SLC9C1: variants seen among roughly 807,000 people sequenced by gnomAD.
SLC9C1 encodes sodium/hydrogen exchanger 10.
Under a neutral mutation model 140.9 loss-of-function variants are expected in SLC9C1, and 97 were observed. The observed-to-expected ratio is 0.69, with a 90% CI of 0.58 to 0.82. The LOEUF (loss-of-function observed/expected upper bound fraction) is 0.82. SLC9C1 is among the 40% of genes least tolerant of loss of function. The pLI is 0.00. For missense variants in SLC9C1, 1,340 were observed against 1,389.3 expected (o/e 0.96, Z 0.56); for synonymous variants, 440 against 442.6 (o/e 0.99, Z 0.07).
At chr3:112,168,318 A>G (rs1008873006) in intron 25 of SLC9C1, among the ~76,000 whole-genome samples, 1 of 136,426 alleles carries the variant, frequency 7.3e-6, no homozygotes, top group African/African-American at 2.9e-5. Context: ...CCAACACAAA[A>G]CAATACACAC....
chr3:112,259,955 T>C (rs1011784422), intron 10 of SLC9C1, among the ~76,000 whole-genome samples: 1 of 152,168 alleles, frequency 6.6e-6, no homozygotes, highest in African/African-American at 2.4e-5. Flanking sequence ...GATTTTACAT[T>C]TTGTAAAATG....
At chr3:112,159,221 T>TA (rs940258422) in intron 26 of SLC9C1, among the ~76,000 whole-genome samples, 17 of 151,764 alleles carry the variant, frequency 1.1e-4, no homozygotes, top group East Asian at 3.9e-4. Flanking sequence ...TTCAATAAAT[T>TA]AAAAAAAATG....
chr3:112,227,112 T>C (rs920494866), intron 13 of SLC9C1, among the ~76,000 whole-genome samples: 1 of 151,954 alleles, frequency 6.6e-6, no homozygotes, highest in East Asian at 1.9e-4. Context: ...ATAAACCTAC[T>C]GAGATTGAGC....
At chr3:112,282,030 G>A (rs2080370978) in intron 2 of SLC9C1, among the ~76,000 whole-genome samples, 1 of 152,138 alleles carries the variant, frequency 6.6e-6, no homozygotes, top group Non-Finnish European at 1.5e-5. Flanking sequence ...ACAATTAACA[G>A]CAGAAATGAC....
Position 112,189,727 on chromosome 3 carries a change from G to C in SLC9C1, c.2524-7469C>G, listed in dbSNP as rs536078785. On this transcript the variant is annotated intron_variant, in intron 20 of 28. Coordinates refer to ENST00000305815, the MANE Select transcript of SLC9C1 (RefSeq NM_183061.3). Reference sequence around the variant, plus strand: ...TCTTAGCAATGCGGGCTCTTTTTTGGTTCCATATGGACTTTAAAGTAATTT... The same window carrying C: ...TCTTAGCAATGCGGGCTCTTTTTTGCTTCCATATGGACTTTAAAGTAATTT... 2.0e-5 allele frequency among the ~76,000 whole-genome samples: 3 copies of C among 152,158 alleles called. No individual in the cohort carries two copies. In the South Asian group the frequency reaches 6.2e-4, roughly 32 times the overall value.
chr3:112,166,932 A>G (rs1287832154), intron 26 of SLC9C1, among the ~76,000 whole-genome samples: 5 of 152,128 alleles, frequency 3.3e-5, no homozygotes, highest in Non-Finnish European at 5.9e-5. Context: ...TGTTATTGCT[A>G]TGTAACATAT....
In SLC9C1 at chr3:112,214,408, A is replaced by G. The variant is rs1208033521; in HGVS notation, c.1790+3034T>C. On this transcript the variant is annotated intron_variant, in intron 15 of 28. Coordinates refer to ENST00000305815, the MANE Select transcript of SLC9C1 (RefSeq NM_183061.3). ...ACACGAAAAACCGTTCAAAAAATCA[A>G]TGAATCCAGGAGCTGGTTTTTTTGA... Among the ~76,000 whole-genome samples, 6 of 152,340 alleles carry G rather than the reference A, an allele frequency of 3.9e-5. No individual in the cohort carries two copies. The East Asian group carries it at 7.7e-4, about 20-fold the overall frequency.
chr3:112,182,899 T>G (rs1265573274), intron 20 of SLC9C1, among the ~76,000 whole-genome samples: 2 of 152,236 alleles, frequency 1.3e-5, no homozygotes, highest in African/African-American at 4.8e-5. Context: ...CTCAACATTT[T>G]GTTTCTGAGA....
At chr3:112,286,640 A>G (rs2080515534) in intron 2 of SLC9C1, 64 bp downstream of exon 2, 3 of 1,371,894 alleles carry the variant, frequency 2.2e-6, no homozygotes, top group East Asian at 4.7e-5. Flanking sequence ...CCTTAATTCT[A>G]TATGGTAGCA....
intron 17 of SLC9C1, 107 bp from the exon 18 acceptor site, chr3:112,202,506 A>AC: frequency 1.8e-6 from 2 of 1,105,478 alleles, no homozygotes; most frequent in Admixed American, 4.9e-5. Flanking sequence ...AGTGCCCTCA[A>AC]AGGTAACTAC....
Position 112,204,313 on chromosome 3 carries a change from T to A in SLC9C1, c.2077A>T (p.Ile693Phe). ...ATATACTTAATGGTGTCTATTTCAATAAGTATTACATGTAAGATGCCAATT... is the reference window on the plus strand; with the variant it reads ...ATATACTTAATGGTGTCTATTTCAAAAAGTATTACATGTAAGATGCCAATT... Reference protein sequence around the residue: ...TLIGILHVILIEIDTIKYIFN... With the variant: ...TLIGILHVILFEIDTIKYIFN... The change falls in exon 17 of 29, where the codon ATT becomes TTT. Residue 693 changes from isoleucine to phenylalanine, a missense_variant. Transcript: ENST00000305815. 1 of 1,568,632 alleles carries A rather than the reference T, an allele frequency of 6.4e-7. No individual in the cohort carries two copies. The highest frequency in any genetic ancestry group is 1.2e-5 in the South Asian group (1 of 80,592).
chr3:112,144,649 T>C lies in SLC9C1; in HGVS notation c.3525-3368A>G, dbSNP rs141015701. On this transcript the variant is annotated intron_variant, in intron 28 of 28. Transcript: ENST00000305815. ...CAGCAGTATTTTGTCATTCTCCTTA[T>C]AGAAATCTTTTACCTCCTTGGTTGC... is the stretch of plus-strand genomic sequence containing the variant. Among the ~76,000 whole-genome samples the C allele has an allele frequency of 5.3e-4, 80 of 152,330 alleles. No individual in the cohort carries two copies. In the Middle Eastern group the frequency reaches 0.031, roughly 58 times the overall value.
At chr3:112,291,814 A>C (rs1317088688) in intron 1 of SLC9C1, among the ~76,000 whole-genome samples, 1 of 152,228 alleles carries the variant, frequency 6.6e-6, no homozygotes, top group African/African-American at 2.4e-5. Context: ...AGACATATGC[A>C]TGCGTACATT....
intron 7 of SLC9C1, among the ~76,000 whole-genome samples, chr3:112,267,592 AAAAAAGAG>A (rs1167874529): frequency 6.7e-6 from 1 of 150,040 alleles, no homozygotes; most frequent in Non-Finnish European, 1.5e-5. Context: ...AAAAAAAAAA[AAAAAAGAG>A]AGAGAGAGAG....
At chr3:112,202,854 TC>T (rs1450715459) in intron 17 of SLC9C1, among the ~76,000 whole-genome samples, 1 of 151,912 alleles carries the variant, frequency 6.6e-6, no homozygotes, top group African/African-American at 2.4e-5. Flanking sequence ...TAACTTCACT[TC>T]TCTCTGTTTC....
Position 112,278,833 on chromosome 3 carries a change from G to A in SLC9C1, c.214C>T (p.Gln72Ter). 6.2e-7 allele frequency: 1 copy of A among 1,605,724 alleles called. No homozygotes were observed. The highest frequency in any genetic ancestry group is 2.2e-5 in the East Asian group (1 of 44,668). The change falls in exon 4 of 29, where the codon CAA becomes TAA. Residue 72 changes from glutamine to a stop codon, truncating the protein, a stop_gained. Transcript: ENST00000305815. LOFTEE classifies it high-confidence loss of function. Reference protein sequence around the residue: ...SQVQRYANAIQWMSPDLFFRI... With the variant: ...SQVQRYANAI Reference sequence around the variant, plus strand: ...AAAAATAAGTCTGGACTCATCCATTGTATGGCGTTTGCGTATCTTTGGACC... The same window carrying A: ...AAAAATAAGTCTGGACTCATCCATTATATGGCGTTTGCGTATCTTTGGACC...
Position 112,209,784 on chromosome 3 carries a change from C to T in SLC9C1, c.1791-1411G>A, listed in dbSNP as rs574617435. Among the ~76,000 whole-genome samples the T allele has an allele frequency of 2.3e-4, 35 of 152,056 alleles. No individual in the cohort carries two copies. In the South Asian group the frequency reaches 7.3e-3, roughly 32 times the overall value. On this transcript the variant is annotated intron_variant, in intron 15 of 28. Transcript: ENST00000305815. ...CAAAATAGTTAGGATTAATGTTAAC[C>T]TAAAACTTGCGTGCTCAAAACAACA...
chr3:112,252,120 A>G, intron 10 of SLC9C1, among the ~76,000 whole-genome samples: 1 of 151,026 alleles, frequency 6.6e-6, no homozygotes, highest in East Asian at 2.0e-4. Flanking sequence ...CCTGGGATGG[A>G]GGTCCCTGTG....
intron 3 of SLC9C1, among the ~76,000 whole-genome samples, chr3:112,279,843 T>C (rs1195208230): frequency 6.6e-6 from 1 of 152,216 alleles, no homozygotes; most frequent in Non-Finnish European, 1.5e-5. Context: ...ACCCTTTTTC[T>C]CTGGTCCAGG....
Sources: gnomAD v4.1 joint callset for allele counts (sites outside exome capture counted in the v4.1 genomes callset) on GRCh38, gnomAD v4.1.1 for gene constraint, MANE v1.5 for transcripts, NCBI Gene and HGNC (gene_info 2026-07-23, HGNC 2026-07-21) for gene names.